The following FAM193A variants were observed in gnomAD, a reference collection of about 807,000 sequenced individuals.
FAM193A encodes the protein protein FAM193A.
FAM193A carries 22 observed loss-of-function variants against 126.5 expected under a neutral mutation model. The ratio of observed to expected loss-of-function variants is 0.17; its 90% CI spans 0.12 to 0.25. The LOEUF (loss-of-function observed/expected upper bound fraction) is 0.25, where lower values mean the gene tolerates loss of function less well. Among genes scored for constraint, FAM193A ranks in the 10% least tolerant of loss-of-function variants. FAM193A has a pLI of 1.00. For synonymous variants in FAM193A, 761 were observed against 646.8 expected (o/e 1.18, Z -2.68); for missense variants, 1,675 against 1,672.8 (o/e 1.00, Z -0.02).
chr4:2,574,416 T>C (rs969095479), intron 1 of FAM193A, among the ~76,000 whole-genome samples: 6 of 152,206 alleles, frequency 3.9e-5, no homozygotes, highest in East Asian at 1.9e-4. Context: ...GATGCCACCA[T>C]ACATAAATTT....
chr4:2,711,425 T>C (rs986038505), intron 19 of FAM193A, among the ~76,000 whole-genome samples: 2 of 151,368 alleles, frequency 1.3e-5, no homozygotes, highest in Admixed American at 1.3e-4. Context: ...CTGCCACCTC[T>C]GCCTCCTGGG....
chr4:2,678,223 A>G (rs895640407), intron 13 of FAM193A, among the ~76,000 whole-genome samples: 4 of 152,056 alleles, frequency 2.6e-5, no homozygotes, highest in Non-Finnish European at 5.9e-5. Context: ...TGAACTCATG[A>G]TCTGCCTGCC....
upstream of FAM193A, among the ~76,000 whole-genome samples, chr4:2,536,228 T>C (rs552970463): frequency 4.4e-3 from 665 of 151,148 alleles, 3 homozygotes; most frequent in African/African-American, 0.016. Context: ...CCGCCAGCCG[T>C]GTAGTTTGCC....
At chr4:2,655,389 A>G (rs1264414675) in intron 7 of FAM193A, among the ~76,000 whole-genome samples, 2 of 152,008 alleles carry the variant, frequency 1.3e-5, no homozygotes, top group African/African-American at 2.4e-5. Context: ...TCTTTATTCC[A>G]TTATTAAATT....
chr4:2,594,340 G>A (rs1217355435), intron 1 of FAM193A, among the ~76,000 whole-genome samples: 2 of 152,160 alleles, frequency 1.3e-5, no homozygotes, highest in East Asian at 1.9e-4. Flanking sequence ...TTTGAATACC[G>A]GTGGTGGGAT....
At chr4:2,710,163 TTTTTTTTTTTTTTC>T (rs1292652322) in intron 19 of FAM193A, among the ~76,000 whole-genome samples, 1,108 of 82,006 alleles carry the variant, frequency 0.014, 11 homozygotes, top group African/African-American at 0.057. Context: ...CTTCTTTTGT[TTTTTTTTTTTTTTC>T]TTTTTTTTTT....
intron 1 of FAM193A, among the ~76,000 whole-genome samples, chr4:2,537,518 C>T (rs1736956625): frequency 6.6e-6 from 1 of 152,244 alleles, no homozygotes; most frequent in Non-Finnish European, 1.5e-5. Context: ...CCGCGCACGG[C>T]GCTTCGCCTT....
intron 6 of FAM193A, among the ~76,000 whole-genome samples, chr4:2,640,140 C>T (rs1744470500): frequency 6.6e-6 from 1 of 152,180 alleles, no homozygotes. Flanking sequence ...TTGACAAGAC[C>T]TATCCTTGGC....
chr4:2,716,154 A>G (rs377330546), intron 20 of FAM193A, 50 bp downstream of exon 20: 20 of 1,228,306 alleles, frequency 1.6e-5, no homozygotes, highest in Non-Finnish European at 2.2e-5. Context: ...TGCTTGCCAT[A>G]CATGTTTGGT....
At chr4:2,700,969 T>C (rs1717661376) in intron 19 of FAM193A, among the ~76,000 whole-genome samples, 2 of 150,524 alleles carry the variant, frequency 1.3e-5, no homozygotes, top group Non-Finnish European at 3.0e-5. Flanking sequence ...TCTCAAAAAA[T>C]ACATATAGAG....
chr4:2,604,245 G>C (rs1026789057), intron 2 of FAM193A, among the ~76,000 whole-genome samples: 1 of 150,674 alleles, frequency 6.6e-6, no homozygotes, highest in East Asian at 1.9e-4. Context: ...TGTATTTGCT[G>C]TATTTGCTAG....
intron 7 of FAM193A, among the ~76,000 whole-genome samples, chr4:2,653,145 C>T (rs999103636): frequency 1.4e-4 from 22 of 152,138 alleles, no homozygotes; most frequent in Non-Finnish European, 2.5e-4. Context: ...TAACTAAACA[C>T]AAAAATGCCC....
At chr4:2,621,186 T>C (rs1482978182) in intron 2 of FAM193A, among the ~76,000 whole-genome samples, 2 of 152,124 alleles carry the variant, frequency 1.3e-5, no homozygotes, top group Non-Finnish European at 2.9e-5. Context: ...CCCCTTCTTC[T>C]TCACCGTCCC....
chr4:2,636,677 A>G (rs777493243), intron 5 of FAM193A, among the ~76,000 whole-genome samples: 12 of 152,236 alleles, frequency 7.9e-5, no homozygotes, highest in Non-Finnish European at 1.5e-4. Flanking sequence ...CTCATCAGAA[A>G]GCTCTTTAAA....
intron 1 of FAM193A, among the ~76,000 whole-genome samples, chr4:2,572,305 G>A (rs1175534881): frequency 2.0e-5 from 3 of 150,506 alleles, no homozygotes; most frequent in Non-Finnish European, 3.0e-5. Context: ...CTGCAGCCTA[G>A]GCGACAGAGT....
At chr4:2,629,151 T>TA (rs1222611976) in intron 4 of FAM193A, among the ~76,000 whole-genome samples, 6 of 148,690 alleles carry the variant, frequency 4.0e-5, no homozygotes, top group East Asian at 2.0e-4. Flanking sequence ...TTATATAACT[T>TA]AAAAAAAAAT....
At chr4:2,583,959 G>T (rs1255353850) in intron 1 of FAM193A, among the ~76,000 whole-genome samples, 1 of 152,138 alleles carries the variant, frequency 6.6e-6, no homozygotes, top group Non-Finnish European at 1.5e-5. Flanking sequence ...AGGAACAGAA[G>T]TTTTTTGGTG....
chr4:2,648,145 T>C (rs1429118222), intron 7 of FAM193A, among the ~76,000 whole-genome samples: 1 of 152,212 alleles, frequency 6.6e-6, no homozygotes, highest in East Asian at 1.9e-4. Context: ...ATTCTCAGCC[T>C]CCCAAAGTAC....
chr4:2,558,473 C>T (rs1054194311), intron 1 of FAM193A, among the ~76,000 whole-genome samples: 2 of 152,132 alleles, frequency 1.3e-5, no homozygotes, highest in Non-Finnish European at 2.9e-5. Flanking sequence ...CCTCCAACTC[C>T]TAGGCTCAAG....
Sources: gnomAD v4.1 joint callset for allele counts (sites outside exome capture counted in the v4.1 genomes callset) on GRCh38, gnomAD v4.1.1 for gene constraint, MANE v1.5 for transcripts, NCBI Gene and HGNC (gene_info 2026-07-23, HGNC 2026-07-21) for gene names.